PDCD11: variants seen among roughly 807,000 people sequenced by gnomAD.
PDCD11 encodes protein RRP5 homolog.
PDCD11 carries 97 observed loss-of-function variants against 198.9 expected under a neutral mutation model. That is an observed-to-expected ratio of 0.49 (90% confidence interval 0.41 to 0.58). The LOEUF (loss-of-function observed/expected upper bound fraction) is 0.58. Among genes scored for constraint, PDCD11 ranks in the 20% least tolerant of loss-of-function variants. The pLI is 0.00. For synonymous variants in PDCD11, 893 were observed against 918.0 expected, an observed-to-expected ratio of 0.97 and a Z score of 0.49; for missense variants, 2,102 against 2,312.7, an observed-to-expected ratio of 0.91 and a Z score of 1.87.
At position 103,419,586 on chromosome 10, in the gene PDCD11, G is replaced by T. The variant is rs959870056; in HGVS notation, c.2155G>T (p.Asp719Tyr). The change falls in exon 16 of 36, where the codon GAT (aspartate) becomes TAT (tyrosine). Residue 719 changes from aspartate to tyrosine, a missense_variant. Asp to Tyr is a radical substitution (Grantham distance 160). Coordinates refer to ENST00000369797, the MANE Select transcript of PDCD11 (RefSeq NM_014976.2). ...GGTCTCCACAGTAGAAGGTGGCCAG[G>T]ATCCCAAGAACTTCTCAGAAATCCA... ...ALVSTVEGGQ[D>Y]PKNFSEIHPG... 15 of 1,614,100 alleles carry T rather than the reference G, an allele frequency of 9.3e-6. No individual in the cohort carries two copies. The highest frequency in any genetic ancestry group is 5.3e-5 in the African/African-American group (4 of 75,016).
intron 2 of PDCD11, among the ~76,000 whole-genome samples, 174 bp from the exon 3 acceptor site, chr10:103,400,223 C>CT (rs1156294040): frequency 7.0e-6 from 1 of 142,006 alleles, no homozygotes; most frequent in African/African-American, 2.6e-5. Flanking sequence ...GGCGGCCCCC[C>CT]CCCTTTTTTT....
chr10:103,414,473 T>C, intron 11 of PDCD11, 143 bp downstream of exon 11: 1 of 628,176 alleles, frequency 1.6e-6, no homozygotes, highest in African/African-American at 1.8e-5. Context: ...CTAGAATTTC[T>C]TTCTCTTTCT....
At chr10:103,440,154 A>C in intron 28 of PDCD11, 136 bp from the exon 29 acceptor site, 1 of 1,323,096 alleles carries the variant, frequency 7.6e-7, no homozygotes. Flanking sequence ...ATTCTTGAGA[A>C]TATTGAAAGG....
At position 103,425,543 on chromosome 10, in the gene PDCD11, G is replaced by GT. The variant is rs1177680396; in HGVS notation, c.3305+19dup. 1.9e-6 allele frequency: 3 copies of GT among 1,591,122 alleles called. No homozygotes were observed. Among genetic ancestry groups the GT allele is most frequent in the Non-Finnish European group, 2.6e-6 (3 of 1,162,934 alleles). ...ACATTCAAGTATGGAGGCTCTGGGG[G>GT]TGGGCTGGCTTCGAGGGAGATTGTT... On this transcript the variant is annotated intron_variant, in intron 20 of 35. Coordinates refer to ENST00000369797, the MANE Select transcript of PDCD11 (RefSeq NM_014976.2).
intron 4 of PDCD11, among the ~76,000 whole-genome samples, chr10:103,404,664 T>C (rs1330429458): frequency 2.6e-5 from 4 of 152,196 alleles, no homozygotes; most frequent in Non-Finnish European, 5.9e-5. Flanking sequence ...TTTAACAATA[T>C]GGAACTCATT....
intron 30 of PDCD11, 44 bp from the exon 31 acceptor site, chr10:103,441,782 A>C (rs771136388): frequency 4.4e-6 from 7 of 1,586,794 alleles, no homozygotes; most frequent in Non-Finnish European, 6.0e-6. Context: ...AACAGGGAGC[A>C]GCCTGAGCCA....
At chr10:103,408,998 A>G (rs150956518) in intron 7 of PDCD11, among the ~76,000 whole-genome samples, 1 of 152,366 alleles carries the variant, frequency 6.6e-6, no homozygotes, top group African/African-American at 2.4e-5. Flanking sequence ...TGGCTGCCCG[A>G]GAATGAGTAC....
At chr10:103,433,664 G>T (rs1046872356) in intron 22 of PDCD11, among the ~76,000 whole-genome samples, 28 of 152,204 alleles carry the variant, frequency 1.8e-4, no homozygotes, top group Non-Finnish European at 3.4e-4. Flanking sequence ...TGTGGGATTG[G>T]TTCTCCAGTT....
rs371182913 is a variant in PDCD11 at position 103,443,999 on chromosome 10, C to T, written c.5209C>T (p.Arg1737Trp). The change falls in exon 34 of 36, where the codon CGG becomes TGG. Residue 1737 changes from arginine to tryptophan, a missense_variant. By Grantham distance (101) the Arg-to-Trp change is moderately radical (BLOSUM62 -3). Coordinates refer to ENST00000369797, the MANE Select transcript of PDCD11 (RefSeq NM_014976.2). ...VWIKYGAFLL[R>W]RSQAAASHRV... ...GATCAAATACGGCGCCTTCCTTCTG[C>T]GGAGGAGCCAGGCTGCAGCCAGTCA... 1.5e-5 allele frequency: 24 copies of T among 1,613,194 alleles called. No individual in the cohort carries two copies. Among genetic ancestry groups the T allele is most frequent in the Admixed American group, 3.3e-5 (2 of 59,982 alleles).
Position 103,445,420 on chromosome 10 carries a change from GAGAATGAAGTTCTT to G in PDCD11, c.5488_5501del (p.Arg1830LeufsTer14). ...TCATTCATCTGAGCTTGGCCCCCAA[GAGAATGAAGTTCTT>G]CTTCAAGCGCTACCTGGACTACGAG... On this transcript the variant is annotated frameshift_variant, in exon 36 of 36. Coordinates refer to ENST00000369797, the MANE Select transcript of PDCD11 (RefSeq NM_014976.2). LOFTEE classifies it high-confidence loss of function. The G allele has an allele frequency of 6.2e-7, 1 of 1,614,230 alleles. No individual in the cohort carries two copies. Among genetic ancestry groups the G allele is most frequent in the Non-Finnish European group, 8.5e-7 (1 of 1,180,046 alleles).
At chr10:103,439,686 C>G in intron 27 of PDCD11, 60 bp from the exon 28 acceptor site, 2 of 1,605,682 alleles carry the variant, frequency 1.2e-6, no homozygotes, top group Non-Finnish European at 1.7e-6. Flanking sequence ...AGTCCCGAGG[C>G]CTGGTTGGAA....
chr10:103,440,981 A>G, intron 30 of PDCD11, 131 bp downstream of exon 30: 2 of 635,572 alleles, frequency 3.1e-6, no homozygotes, highest in Non-Finnish European at 5.5e-6. Context: ...GCCTCCATTG[A>G]CCGTCAGCTC....
intron 8 of PDCD11, among the ~76,000 whole-genome samples, chr10:103,412,308 G>A (rs1218690929): frequency 6.7e-6 from 1 of 148,290 alleles, no homozygotes; most frequent in Non-Finnish European, 1.5e-5. Context: ...TTACAGGTAC[G>A]TACCACCATG....
chr10:103,422,378 G>T (rs1463639270), intron 17 of PDCD11, among the ~76,000 whole-genome samples: 2 of 151,542 alleles, frequency 1.3e-5, no homozygotes, highest in Non-Finnish European at 2.9e-5. Context: ...ACTGCGCCCG[G>T]CCAAAGTGCA....
chr10:103,428,909 A>G (rs1406168815), intron 21 of PDCD11, among the ~76,000 whole-genome samples: 1 of 152,236 alleles, frequency 6.6e-6, no homozygotes, highest in Non-Finnish European at 1.5e-5. Context: ...AGATGGCCAG[A>G]CATCTTCCAC....
rs1408359359 is a variant in PDCD11 at position 103,444,734 on chromosome 10, G to C, written c.5444+52G>C. ...AGTTCCTCAGGAGAGGGCGTGGTAGGCACTGGTCCCACAGCAGCTCTCAGC... is the reference window on the plus strand; with the variant it reads ...AGTTCCTCAGGAGAGGGCGTGGTAGCCACTGGTCCCACAGCAGCTCTCAGC... On this transcript the variant is annotated intron_variant, in intron 35 of 35. Coordinates refer to ENST00000369797, the MANE Select transcript of PDCD11 (RefSeq NM_014976.2). 8.4e-6 allele frequency: 13 copies of C among 1,548,376 alleles called. No homozygotes were observed. The African/African-American group carries it at 1.8e-4, about 21-fold the overall frequency.
chr10:103,401,900 G>T (rs1429834438), intron 3 of PDCD11, among the ~76,000 whole-genome samples: 1 of 151,952 alleles, frequency 6.6e-6, no homozygotes, highest in Non-Finnish European at 1.5e-5. Flanking sequence ...CCGCCACCAC[G>T]CCCAGCTAAG....
At chr10:103,411,619 GGCCTCCTAAAGTGCTGGGATTA>G (rs1373485277) in intron 8 of PDCD11, among the ~76,000 whole-genome samples, 1 of 152,064 alleles carries the variant, frequency 6.6e-6, no homozygotes, top group Non-Finnish European at 1.5e-5. Flanking sequence ...CTCCTGCCTA[GGCCTCCTAAAGTGCTGGGATTA>G]GCCTCCTAAA....
intron 2 of PDCD11, 79 bp from the exon 3 acceptor site, chr10:103,400,318 A>C: frequency 2.5e-6 from 3 of 1,214,838 alleles, no homozygotes; most frequent in Non-Finnish European, 3.3e-6. Flanking sequence ...AAGGTGAGTG[A>C]TGACCTGAAA....
Sources: gnomAD v4.1 joint callset for allele counts (sites outside exome capture counted in the v4.1 genomes callset) on GRCh38, gnomAD v4.1.1 for gene constraint, MANE v1.5 for transcripts, NCBI Gene and HGNC (gene_info 2026-07-23, HGNC 2026-07-21) for gene names.